UBE2U: variants seen among roughly 807,000 people sequenced by gnomAD.
The protein encoded by UBE2U is ubiquitin-conjugating enzyme E2 U.
UBE2U carries 39 observed loss-of-function variants against 41.2 expected under a neutral mutation model. The ratio of observed to expected loss-of-function variants is 0.95; its 90% CI spans 0.73 to 1.24. The LOEUF is 1.24. Ranked by LOEUF, UBE2U falls within the 50% of genes most tolerant of loss-of-function variation. The pLI is 0.00. For missense variants in UBE2U, 336 were observed against 363.1 expected (o/e 0.93, Z 0.61); for synonymous variants, 107 against 117.8 (o/e 0.91, Z 0.60).
chr1:64,256,374 C>T (rs911042178), intron 8 of UBE2U, among the ~76,000 whole-genome samples: 3 of 152,124 alleles, frequency 2.0e-5, no homozygotes, highest in Admixed American at 1.3e-4. Flanking sequence ...AACTACACTG[C>T]AAGGTTACTG....
intron 8 of UBE2U, among the ~76,000 whole-genome samples, chr1:64,248,020 A>G (rs932866441): frequency 6.6e-6 from 1 of 152,150 alleles, no homozygotes; most frequent in Non-Finnish European, 1.5e-5. Flanking sequence ...CAGAATTGTG[A>G]GCTAAATAAA....
In UBE2U at chr1:64,239,705, T is replaced by C. The variant is rs564319806; in HGVS notation, c.596-1947T>C. On this transcript the variant is annotated intron_variant, in intron 7 of 9. Transcript: ENST00000371077. ...CCTACAAAGTACATGAACTCATCAT[T>C]TTTTATGGCTGCATAGTATTCCATG... 2.0e-5 allele frequency among the ~76,000 whole-genome samples: 3 copies of C among 152,272 alleles called. No individual in the cohort carries two copies. In the South Asian group the frequency reaches 6.2e-4, roughly 32 times the overall value.
chr1:64,242,371 T>C (rs1644850365), intron 8 of UBE2U, among the ~76,000 whole-genome samples: 1 of 152,166 alleles, frequency 6.6e-6, no homozygotes, highest in Non-Finnish European at 1.5e-5. Context: ...TGTGTTGTGC[T>C]AGTCATTTTT....
intron 6 of UBE2U, 50 bp downstream of exon 6, chr1:64,220,957 AT>A: frequency 7.8e-7 from 1 of 1,284,336 alleles, no homozygotes. Context: ...CAAAAGGACT[AT>A]TTATTTAAAC....
At chr1:64,261,019 T>G (rs1397550174) in intron 9 of UBE2U, among the ~76,000 whole-genome samples, 1 of 152,220 alleles carries the variant, frequency 6.6e-6, no homozygotes, top group Non-Finnish European at 1.5e-5. Context: ...ACTAATAAAC[T>G]GATCCCTAAA....
intron 7 of UBE2U, among the ~76,000 whole-genome samples, chr1:64,239,133 A>AAGGAGAAGGAGAAGGAGAAGG (rs1557730362): frequency 4.8e-4 from 12 of 25,032 alleles, no homozygotes; most frequent in African/African-American, 2.3e-3. Context: ...GAAGAAGAAG[A>AAGGAGAAGGAGAAGGAGAAGG]AGAAGAAGAA....
At position 64,267,232 on chromosome 1, in the gene UBE2U, A is replaced by C; in HGVS notation, c.*24A>C. ...AAGCAGAACATTATCAGATTCAAAA[A>C]ATAAACAGCCTCCGCCATAGCCCAG... On this transcript the variant is annotated 3_prime_UTR_variant, in exon 10 of 10. Coordinates refer to ENST00000371077, the MANE Select transcript of UBE2U (RefSeq NM_001366232.2). 1 of 1,466,684 alleles carries C rather than the reference A, an allele frequency of 6.8e-7. No homozygotes were observed. The highest frequency in any genetic ancestry group is 9.0e-7 in the Non-Finnish European group (1 of 1,110,652). The allele number at this position is 1,466,684 out of a possible 1,614,324, so 90.9% of individuals were successfully genotyped here. A position where few individuals can be genotyped will look rare whatever the true frequency, so the allele number is the denominator to read the frequency against.
chr1:64,203,734 AC>A lies in UBE2U; in HGVS notation c.-316del. On this transcript the variant is annotated 5_prime_UTR_variant, in exon 1 of 10. Transcript: ENST00000371077. ...TCTCACTCCCACTCACGCGCCGACG[AC>A]ATGGGCTTGTCTCCGTTACTCATCC... 1 of 265,460 alleles carries A rather than the reference AC, an allele frequency of 3.8e-6. No individual in the cohort carries two copies. Among genetic ancestry groups the A allele is most frequent in the Non-Finnish European group, 7.1e-6 (1 of 141,278 alleles). 16.4% of individuals were successfully genotyped at this position (265,460 alleles called of 1,614,324 possible).
chr1:64,239,159 A>G (rs867546378), intron 7 of UBE2U, among the ~76,000 whole-genome samples: 281 of 54,558 alleles, frequency 5.2e-3, no homozygotes, highest in Non-Finnish European at 8.4e-3. Flanking sequence ...AGAAGAAGAA[A>G]GAAGAAGAAG....
At position 64,209,006 on chromosome 1, in the gene UBE2U, T is replaced by C. The variant is rs371869304; in HGVS notation, c.242-1736T>C. On this transcript the variant is annotated intron_variant, in intron 3 of 9. Transcript: ENST00000371077. ...ATATGTGTTTGTGTGTATATTTGTA[T>C]AGACCAACTGGTAATATTGGTCTTG... Among the ~76,000 whole-genome samples, 6 of 152,366 alleles carry C rather than the reference T, an allele frequency of 3.9e-5. No homozygotes were observed. The East Asian group carries it at 9.6e-4, about 24-fold the overall frequency.
At chr1:64,239,997 G>T (rs926765349) in intron 7 of UBE2U, among the ~76,000 whole-genome samples, 1 of 152,154 alleles carries the variant, frequency 6.6e-6, no homozygotes, top group Non-Finnish European at 1.5e-5. Context: ...CAGTGTAAAA[G>T]TGTTCCTATT....
At chr1:64,232,260 A>C (rs1241031751) in intron 6 of UBE2U, among the ~76,000 whole-genome samples, 1 of 152,170 alleles carries the variant, frequency 6.6e-6, no homozygotes. Flanking sequence ...GTTCTTTTTT[A>C]ATGTTAGTCA....
At chr1:64,227,251 T>C (rs1476998004) in intron 6 of UBE2U, among the ~76,000 whole-genome samples, 1 of 152,184 alleles carries the variant, frequency 6.6e-6, no homozygotes, top group Non-Finnish European at 1.5e-5. Context: ...TATTCAACAT[T>C]GTACTGGAGG....
rs1453139451 is a variant in UBE2U at position 64,244,274 on chromosome 1, T to C, written c.677+2541T>C. The C allele has an allele frequency of 8.0e-6, 10 of 1,255,744 alleles. No homozygotes were observed. In the South Asian group the frequency reaches 1.1e-4, roughly 14 times the overall value. The allele number at this position is 1,255,744 out of a possible 1,614,324, so 77.8% of individuals were successfully genotyped here. A position where few individuals can be genotyped will look rare whatever the true frequency, so the allele number is the denominator to read the frequency against. On this transcript the variant is annotated intron_variant, in intron 8 of 9. Transcript: ENST00000371077. Reference sequence around the variant, plus strand: ...CCTTACCTATCTTGCAAAGTTGTTTTGCATTTGACGCTTATTATTTTATAT... The same window carrying C: ...CCTTACCTATCTTGCAAAGTTGTTTCGCATTTGACGCTTATTATTTTATAT...
chr1:64,266,056 A>G (rs920278537), intron 9 of UBE2U, among the ~76,000 whole-genome samples: 1 of 152,252 alleles, frequency 6.6e-6, no homozygotes, highest in Admixed American at 6.5e-5. Context: ...TCCGGTGACA[A>G]CTAGGAAAAA....
In UBE2U at chr1:64,206,856, G is replaced by A. The variant is rs1307875189; in HGVS notation, c.241G>A (p.Val81Ile). 1.2e-5 allele frequency: 19 copies of A among 1,553,658 alleles called. No homozygotes were observed. Among genetic ancestry groups the A allele is most frequent in the Non-Finnish European group, 1.6e-5 (18 of 1,129,260 alleles). ...KFITIPFHPN[V>I]DPHTGQPCID... ...TATAACAATTCCGTTTCATCCAAAT[G>A]GTAAGAACTAAATGACATTTTTATC... The change falls in exon 3 of 10, where the codon GTA becomes ATA. Residue 81 changes from valine (V) to isoleucine (I), a missense_variant and splice_region_variant. Coordinates refer to ENST00000371077, the MANE Select transcript of UBE2U (RefSeq NM_001366232.2).
intron 6 of UBE2U, among the ~76,000 whole-genome samples, chr1:64,228,320 A>G (rs1208844110): frequency 1.3e-5 from 2 of 152,182 alleles, no homozygotes; most frequent in Non-Finnish European, 2.9e-5. Context: ...TGGTATCTAC[A>G]TAACGGGGGA....
chr1:64,239,144 GAA>G (rs1491405366), intron 7 of UBE2U, among the ~76,000 whole-genome samples: 1 of 27,814 alleles, frequency 3.6e-5, no homozygotes, highest in Non-Finnish European at 6.3e-5. Context: ...AGAAGAAGAA[GAA>G]GAAGAAGAAG....
At chr1:64,265,713 A>C (rs949034473) in intron 9 of UBE2U, among the ~76,000 whole-genome samples, 3 of 152,068 alleles carry the variant, frequency 2.0e-5, no homozygotes, top group Non-Finnish European at 4.4e-5. Context: ...AGAGCAGCTG[A>C]GATTACAGGC....
Sources: gnomAD v4.1 joint callset for allele counts (sites outside exome capture counted in the v4.1 genomes callset) on GRCh38, gnomAD v4.1.1 for gene constraint, MANE v1.5 for transcripts, NCBI Gene and HGNC (gene_info 2026-07-23, HGNC 2026-07-21) for gene names.